The following BAHCC1 variants were observed in gnomAD, a reference collection of about 807,000 sequenced individuals.
The protein encoded by BAHCC1 is BAH domain and coiled-coil containing 1, also known as BAH and coiled-coil domain-containing protein 1.
BAHCC1 carries 43 observed loss-of-function variants against 88.2 expected under a neutral mutation model. The observed-to-expected ratio is 0.49, with a 90% CI of 0.38 to 0.63. The LOEUF is 0.63. Ranked by LOEUF, BAHCC1 falls within the 20% of genes least tolerant of loss-of-function variation. The pLI is 0.00. For missense variants in BAHCC1, 3,023 were observed against 1,654.8 expected, an observed-to-expected ratio of 1.83 and a Z score of -14.34; for synonymous variants, 1,510 against 745.5, an observed-to-expected ratio of 2.03 and a Z score of -16.71.
chr17:81,401,093 G>C (rs1490467907), intron 2 of BAHCC1: 1 of 152,270 alleles, frequency 6.6e-6, no homozygotes, highest in African/African-American at 2.4e-5. Context: ...GCTTTAATGG[G>C]ATTACAATTA....
At position 81,461,829 on chromosome 17, in the gene BAHCC1, G is replaced by A. The variant is rs755016079; in HGVS notation, c.7166G>A (p.Arg2389His). The part of the protein sequence containing the change: ...KGSGPHAHAQ[R>H]CFLSRATVAG... ...AGCGGCCCTCACGCGCATGCCCAGC[G>A]CTGCTTCCTGTCCAGGGCCACGGTG... Residue 2389 changes from arginine (R) to histidine (H), a missense_variant, in exon 26 of 28, where the codon CGC becomes CAC. Arg to His is a conservative substitution (Grantham distance 29). Coordinates refer to ENST00000675386, the MANE Select transcript of BAHCC1 (RefSeq NM_001377448.1). 9.7e-6 allele frequency: 7 copies of A among 718,580 alleles called. No homozygotes were observed. The highest frequency in any genetic ancestry group is 2.3e-4 in the Middle Eastern group (1 of 4,386). 44.5% of individuals were successfully genotyped at this position (718,580 alleles called of 1,614,324 possible). A position where few individuals can be genotyped will look rare whatever the true frequency, so the allele number is the denominator to read the frequency against.
intron 3 of BAHCC1, among the ~76,000 whole-genome samples, chr17:81,427,937 C>T (rs1351255329): frequency 3.3e-5 from 5 of 152,228 alleles, no homozygotes; most frequent in African/African-American, 9.6e-5. Flanking sequence ...AGCAGAGAAA[C>T]CTCTCTTTGT....
At position 81,445,396 on chromosome 17, in the gene BAHCC1, C is replaced by G; in HGVS notation, c.2878C>G (p.Gln960Glu). 1 of 777,166 alleles carries G rather than the reference C, an allele frequency of 1.3e-6. No homozygotes were observed. The highest frequency in any genetic ancestry group is 2.4e-6 in the Non-Finnish European group (1 of 417,220). 48.1% of individuals were successfully genotyped at this position (777,166 alleles called of 1,614,324 possible). A position where few individuals can be genotyped will look rare whatever the true frequency, so the allele number is the denominator to read the frequency against. ...DQHLDLEEPA[Q>E]EKAPKSTHKP... is the part of the protein sequence containing the mutation. ...GCACCTGGATCTGGAGGAGCCCGCC[C>G]AGGAGAAGGCCCCAAAGTCCACCCA... Residue 960 changes from glutamine (Q) to glutamate (E), a missense_variant, in exon 10 of 28, where the codon CAG becomes GAG. By Grantham distance (29) the Gln-to-Glu change is conservative. Transcript: ENST00000675386.
At chr17:81,453,498 C>G (rs1185699996) in intron 14 of BAHCC1, among the ~76,000 whole-genome samples, 2 of 152,222 alleles carry the variant, frequency 1.3e-5, no homozygotes, top group African/African-American at 4.8e-5. Context: ...AAATTAATCT[C>G]AGGGCTTCAT....
chr17:81,447,898 A>C (rs782305815), intron 11 of BAHCC1, 50 bp downstream of exon 11: 4 of 709,132 alleles, frequency 5.6e-6, no homozygotes, highest in Non-Finnish European at 1.0e-5. Flanking sequence ...AGTGGGACCC[A>C]CACGCCTGCC....
intron 2 of BAHCC1, among the ~76,000 whole-genome samples, chr17:81,412,008 G>C (rs986533571): frequency 6.6e-6 from 1 of 152,244 alleles, no homozygotes; most frequent in East Asian, 1.9e-4. Flanking sequence ...CAGGACCAGG[G>C]CCCCGTGGCC....
Position 81,443,024 on chromosome 17 carries a change from G to C in BAHCC1, c.1675G>C (p.Gly559Arg), listed in dbSNP as rs370904420. 1 of 778,462 alleles carries C rather than the reference G, an allele frequency of 1.3e-6. No individual in the cohort carries two copies. Among genetic ancestry groups the C allele is most frequent in the South Asian group, 1.3e-5 (1 of 74,548 alleles). The allele number at this position is 778,462 out of a possible 1,614,324, so 48.2% of individuals were successfully genotyped here. Residue 559 changes from glycine (G) to arginine (R), a missense_variant, in exon 5 of 28, where the codon GGC becomes CGC. By Grantham distance (125) the Gly-to-Arg change is moderately radical. Coordinates refer to ENST00000675386, the MANE Select transcript of BAHCC1 (RefSeq NM_001377448.1). ...GATGGCCGCCGAGGTGGAGCAGGGG[G>C]GCATTGGGGCTGAGGCCAAGCGCAA... The part of the protein sequence containing the change: ...HLMAAEVEQG[G>R]IGAEAKRKSL...
chr17:81,457,513 G>A lies in BAHCC1; in HGVS notation c.4962G>A (p.Leu1654=). The stretch of plus-strand genomic sequence containing the variant: ...ACACCGGGGCCAGTGTGGCCGTGCT[G>A]GGGCCCTCACCCTCCTCTGTGGTCA... The part of the protein sequence containing the change: ...LLHTGASVAV[L]GPSPSSVVKM... Residue 1654 remains leucine, a synonymous_variant, in exon 17 of 28, where the codon CTG becomes CTA. Coordinates refer to ENST00000675386, the MANE Select transcript of BAHCC1 (RefSeq NM_001377448.1). 1.3e-6 allele frequency: 1 copy of A among 756,342 alleles called. No individual in the cohort carries two copies. Among genetic ancestry groups the A allele is most frequent in the South Asian group, 1.4e-5 (1 of 71,198 alleles). 46.9% of individuals were successfully genotyped at this position (756,342 alleles called of 1,614,324 possible).
At chr17:81,422,110 C>A (rs569987907) in intron 2 of BAHCC1, 4 of 229,202 alleles carry the variant, frequency 1.7e-5, no homozygotes, top group Non-Finnish European at 3.7e-5. Context: ...CTCCCAGATT[C>A]AAGCAATTCT....
chr17:81,451,766 G>A lies in BAHCC1; in HGVS notation c.4075G>A (p.Ala1359Thr). 1 of 771,058 alleles carries A rather than the reference G, an allele frequency of 1.3e-6. No homozygotes were observed. The highest frequency in any genetic ancestry group is 1.7e-5 in the Admixed American group (1 of 58,694). 47.8% of individuals were successfully genotyped at this position (771,058 alleles called of 1,614,324 possible). A position where few individuals can be genotyped will look rare whatever the true frequency, so the allele number is the denominator to read the frequency against. Residue 1359 changes from alanine (A) to threonine (T), a missense_variant, in exon 12 of 28, where the codon GCC (alanine) becomes ACC (threonine). By Grantham distance (58) the Ala-to-Thr change is moderately conservative. Coordinates refer to ENST00000675386, the MANE Select transcript of BAHCC1 (RefSeq NM_001377448.1). ...GGCCGCTGGCCTGGACAGCTCCACT[G>A]CCCCAGCGCAGCCGCCCACAGCCAA... ...VEAAGLDSST[A>T]PAQPPTANPC...
chr17:81,464,030 C>T lies in BAHCC1; in HGVS notation c.*213C>T, dbSNP rs139741214. The T allele has an allele frequency of 3.8e-3, 2,251 of 589,048 alleles. 8 individuals carry two copies. Among genetic ancestry groups the T allele is most frequent in the Middle Eastern group, 0.016 (36 of 2,218 alleles). 36.5% of individuals were successfully genotyped at this position (589,048 alleles called of 1,614,324 possible). A position where few individuals can be genotyped will look rare whatever the true frequency, so the allele number is the denominator to read the frequency against. ...GAATCCAGTCCCGTCCCATCCTCTG[C>T]GGAGGGTCGGGCTGTGGCCCTCATG... On this transcript the variant is annotated 3_prime_UTR_variant, in exon 28 of 28. Coordinates refer to ENST00000675386, the MANE Select transcript of BAHCC1 (RefSeq NM_001377448.1).
intron 2 of BAHCC1, among the ~76,000 whole-genome samples, chr17:81,417,395 G>A (rs1555648893): frequency 6.6e-6 from 1 of 152,078 alleles, no homozygotes; most frequent in Non-Finnish European, 1.5e-5. Flanking sequence ...GCCCAGGAGA[G>A]CGGGTGAGAG....
At position 81,461,163 on chromosome 17, in the gene BAHCC1, CCTT is replaced by C. The variant is rs781984613; in HGVS notation, c.6502_6504del (p.Phe2168del). The stretch of plus-strand genomic sequence containing the variant: ...AGCAGCCTGGCCAGCTCCTACGCGC[CCTT>C]CGTCGGGGGGACCGGGCCGGGCCTC... On this transcript the variant is annotated inframe_deletion, in exon 26 of 28. Coordinates refer to ENST00000675386, the MANE Select transcript of BAHCC1 (RefSeq NM_001377448.1). 2 of 757,226 alleles carry C rather than the reference CCTT, an allele frequency of 2.6e-6. No individual in the cohort carries two copies. Among genetic ancestry groups the C allele is most frequent in the South Asian group, 2.7e-5 (2 of 72,770 alleles). 46.9% of individuals were successfully genotyped at this position (757,226 alleles called of 1,614,324 possible). A position where few individuals can be genotyped will look rare whatever the true frequency, so the allele number is the denominator to read the frequency against.
At chr17:81,417,294 C>G (rs1452478801) in intron 2 of BAHCC1, among the ~76,000 whole-genome samples, 2 of 152,166 alleles carry the variant, frequency 1.3e-5, no homozygotes, top group Admixed American at 6.5e-5. Context: ...GTGGCGCTGA[C>G]CACCCTGGTT....
intron 2 of BAHCC1, among the ~76,000 whole-genome samples, chr17:81,405,478 G>A (rs1464265389): frequency 6.6e-6 from 1 of 152,032 alleles, no homozygotes; most frequent in Non-Finnish European, 1.5e-5. Context: ...CCTCTTCCTT[G>A]GCTGTTTCTT....
At chr17:81,420,023 C>T (rs1187551492) in intron 2 of BAHCC1, among the ~76,000 whole-genome samples, 2 of 152,122 alleles carry the variant, frequency 1.3e-5, no homozygotes, top group African/African-American at 2.4e-5. Context: ...GGCACCTGGC[C>T]ATCCGATTGC....
In BAHCC1 at chr17:81,445,015, C is replaced by CGGATGTCAT. The variant is rs782460961; in HGVS notation, c.2676_2684dup (p.Val893_Asp895dup). The CGGATGTCAT allele has an allele frequency of 1.3e-6, 1 of 758,164 alleles. No individual in the cohort carries two copies. The highest frequency in any genetic ancestry group is 1.7e-5 in the African/African-American group (1 of 58,522). 47.0% of individuals were successfully genotyped at this position (758,164 alleles called of 1,614,324 possible). On this transcript the variant is annotated inframe_insertion and splice_region_variant, in exon 9 of 28. Coordinates refer to ENST00000675386, the MANE Select transcript of BAHCC1 (RefSeq NM_001377448.1). ...GACCCCTCCTGGGCCCTGCCCACAG[C>CGGATGTCAT]GGATGTCATGGACCAGGCGTCACTG...
chr17:81,424,053 A>G (rs1555649941), intron 2 of BAHCC1, among the ~76,000 whole-genome samples: 1 of 152,202 alleles, frequency 6.6e-6, no homozygotes, highest in Non-Finnish European at 1.5e-5. Context: ...GGAATCCTGA[A>G]GGGATTTTAG....
rs1555654722 is a variant in BAHCC1 at position 81,447,244 on chromosome 17, G to A, written c.3372G>A (p.Arg1124=). ...LEEPGLLSGA[R]EATQDLAATP... ...AGCCCGGGCTGCTCTCAGGGGCCAG[G>A]GAGGCCACCCAGGACCTTGCCGCCA... Residue 1124 remains arginine (R), a synonymous_variant, in exon 11 of 28, where the codon AGG becomes AGA. Transcript: ENST00000675386. 2.8e-6 allele frequency: 2 copies of A among 720,708 alleles called. No homozygotes were observed. The highest frequency in any genetic ancestry group is 5.1e-6 in the Non-Finnish European group (2 of 392,370). 44.6% of individuals were successfully genotyped at this position (720,708 alleles called of 1,614,324 possible). A position where few individuals can be genotyped will look rare whatever the true frequency, so the allele number is the denominator to read the frequency against.
Sources: gnomAD v4.1 joint callset for allele counts (sites outside exome capture counted in the v4.1 genomes callset) on GRCh38, gnomAD v4.1.1 for gene constraint, MANE v1.5 for transcripts, NCBI Gene and HGNC (gene_info 2026-07-23, HGNC 2026-07-21) for gene names.